The following TNC variants were observed in gnomAD, a reference collection of about 807,000 sequenced individuals.
TNC encodes the protein tenascin.
A neutral mutation model predicts 202.4 loss-of-function variants in TNC; 109 were observed. That is an observed-to-expected ratio of 0.54 (90% CI 0.46 to 0.63). The LOEUF (loss-of-function observed/expected upper bound fraction) is 0.63. Ranked by LOEUF, TNC falls within the 30% of genes least tolerant of loss-of-function variation. The pLI is 0.00. For synonymous variants in TNC, 1,007 were observed against 1,089.7 expected (o/e 0.92, Z 1.50); for missense variants, 2,756 against 2,833.3 (o/e 0.97, Z 0.62).
intron 19 of TNC, 151 bp from the exon 20 acceptor site, chr9:115,038,531 G>T: frequency 9.6e-7 from 1 of 1,043,706 alleles, no homozygotes; most frequent in Non-Finnish European, 1.3e-6. Flanking sequence ...GAGCCAGCCT[G>T]ACCTGGCTTT....
intron 6 of TNC, among the ~76,000 whole-genome samples, chr9:115,078,856 C>A (rs1834083321): frequency 6.6e-6 from 1 of 152,186 alleles, no homozygotes; most frequent in South Asian, 2.1e-4. Context: ...GCACATTATG[C>A]TGTTGGGCAC....
At chr9:115,025,468 C>A (rs1829405095) in intron 26 of TNC, among the ~76,000 whole-genome samples, 1 of 152,152 alleles carries the variant, frequency 6.6e-6, no homozygotes, top group Non-Finnish European at 1.5e-5. Context: ...ACGTGCCAAG[C>A]TTCTATCTCT....
chr9:115,076,341 G>A, intron 8 of TNC, 49 bp downstream of exon 8: 1 of 1,598,512 alleles, frequency 6.3e-7, no homozygotes, highest in Non-Finnish European at 8.5e-7. Context: ...CATCCTTTAA[G>A]GGCCCTCTAG....
intron 9 of TNC, among the ~76,000 whole-genome samples, chr9:115,075,355 G>T (rs1401583593): frequency 1.3e-5 from 2 of 152,094 alleles, no homozygotes; most frequent in African/African-American, 4.8e-5. Flanking sequence ...CTTGACAGGG[G>T]TATAAAAGTT....
At chr9:115,103,801 TG>T (rs1303442152) in intron 1 of TNC, among the ~76,000 whole-genome samples, 1 of 152,188 alleles carries the variant, frequency 6.6e-6, no homozygotes, top group Non-Finnish European at 1.5e-5. Flanking sequence ...TAAGCATTGG[TG>T]GTGCCTCACG....
chr9:115,053,135 G>T (rs1230408997), intron 15 of TNC: 12 of 618,674 alleles, frequency 1.9e-5, no homozygotes, highest in Middle Eastern at 4.2e-4. Context: ...ATACAGAAGA[G>T]ACAGTATGTT....
Position 115,046,439 on chromosome 9 carries a change from G to C in TNC, c.5096C>G (p.Ser1699Cys), listed in dbSNP as rs1588050953. The change falls in exon 17 of 28, where the codon TCC (serine) becomes TGC (cysteine). Residue 1699 changes from serine to cysteine, a missense_variant. Around this residue, in one of 2 missense-constraint regions of TNC, gnomAD observed 2,559 missense variants for 2,546.0 expected, o/e 1.01. Coordinates refer to ENST00000350763, the MANE Select transcript of TNC (RefSeq NM_002160.4). ...ELYGISKGRRSQTVSAIATTA... is the reference protein window; with the variant it reads ...ELYGISKGRRCQTVSAIATTA... The stretch of plus-strand genomic sequence containing the variant: ...TGTTGCTATAGCACTGACTGTCTGG[G>C]ATCGCCTTCCTTTGCTTATTCCATA... The C allele has an allele frequency of 1.2e-6, 2 of 1,614,100 alleles. No individual in the cohort carries two copies. Among genetic ancestry groups the C allele is most frequent in the Non-Finnish European group, 1.7e-6 (2 of 1,179,984 alleles).
rs769251604 is a variant in TNC at position 115,091,069 on chromosome 9, A to G, written c.-51T>C. On this transcript the variant is annotated 5_prime_UTR_variant, in exon 2 of 28. Transcript: ENST00000350763. Reference sequence around the variant, plus strand: ...TGCTGGGGCTCTAGGGCTCTAGGGTATCTCACTTTCAGCAGAATTGGGGAT... The same window carrying G: ...TGCTGGGGCTCTAGGGCTCTAGGGTGTCTCACTTTCAGCAGAATTGGGGAT... The G allele has an allele frequency of 1.4e-6, 2 of 1,477,964 alleles. No homozygotes were observed. The highest frequency in any genetic ancestry group is 1.8e-5 in the Admixed American group (1 of 55,744). 91.6% of individuals were successfully genotyped at this position (1,477,964 alleles called of 1,614,324 possible).
intron 18 of TNC, 51 bp from the exon 19 acceptor site, chr9:115,041,135 A>T (rs150526172): frequency 1.5e-4 from 230 of 1,555,720 alleles, no homozygotes; most frequent in Non-Finnish European, 1.9e-4. Context: ...ACTGACACTT[A>T]TTCACTGTTG....
At chr9:115,111,399 C>CTCTCTTTTTTTTT (rs1174066886) in intron 1 of TNC, among the ~76,000 whole-genome samples, 1 of 71,360 alleles carries the variant, frequency 1.4e-5, no homozygotes, top group African/African-American at 6.0e-5. Flanking sequence ...CTCTCTCTCT[C>CTCTCTTTTTTTTT]TTTTTTTTTT....
chr9:115,048,194 C>T, intron 16 of TNC, 66 bp downstream of exon 16: 1 of 1,563,230 alleles, frequency 6.4e-7, no homozygotes, highest in Admixed American at 1.9e-5. Context: ...TCATGGCGAT[C>T]CGGTAGACAG....
intron 6 of TNC, among the ~76,000 whole-genome samples, chr9:115,079,291 G>T (rs1250017): frequency 0.97 from 148,224 of 152,046 alleles, 72,373 homozygotes; most frequent in East Asian, 1. Flanking sequence ...GACAGGAAGT[G>T]GGCTTTATAC....
rs1021928679 is a variant in TNC, at chr9:115,096,659, C to A, written c.-136-5505G>T. Among the ~76,000 whole-genome samples, 3 of 152,172 alleles carry A rather than the reference C, an allele frequency of 2.0e-5. No homozygotes were observed. The South Asian group carries it at 6.2e-4, about 32-fold the overall frequency. On this transcript the variant is annotated intron_variant, in intron 1 of 27. Transcript: ENST00000350763. Reference sequence around the variant, plus strand: ...AGAAAAAATGGCTTCTTTTTAGCAACTAACTCACTTAACTATAGCAAGCAT... The same window carrying A: ...AGAAAAAATGGCTTCTTTTTAGCAAATAACTCACTTAACTATAGCAAGCAT...
In TNC at chr9:115,086,503, T is replaced by C. The variant is rs1564120877; in HGVS notation, c.1228A>G (p.Asn410Asp). 6.2e-7 allele frequency: 1 copy of C among 1,613,558 alleles called. No homozygotes were observed. ...GADCGELKCP[N>D]GCSGHGRCVN... ...CAGCGGCCATGGCCACTGCAGCCAT[T>C]GGGACACTTGAGCTCCCCACAGTCA... Residue 410 changes from asparagine to aspartate, a missense_variant, in exon 3 of 28, where the codon AAT becomes GAT. Around this residue, in one of 2 missense-constraint regions of TNC, gnomAD observed 2,559 missense variants for 2,546.0 expected, o/e 1.01. Coordinates refer to ENST00000350763, the MANE Select transcript of TNC (RefSeq NM_002160.4).
chr9:115,104,688 C>T (rs1830347559), intron 1 of TNC, among the ~76,000 whole-genome samples: 1 of 152,198 alleles, frequency 6.6e-6, no homozygotes, highest in African/African-American at 2.4e-5. Context: ...ATATCTTCTC[C>T]TCTTCTTTCC....
rs141126037 is a variant in TNC at position 115,090,958 on chromosome 9, C to G, written c.61G>C (p.Glu21Gln). ...VFLAFLALAT[E>Q]GGVLKKVIRH... ...ATGACTTTCTTGAGGACCCCACCTTCGGTAGCGAGGGCAAGGAAAGCAAGA... is the reference window on the plus strand; with the variant it reads ...ATGACTTTCTTGAGGACCCCACCTTGGGTAGCGAGGGCAAGGAAAGCAAGA... The change falls in exon 2 of 28, where the codon GAA (glutamate) becomes CAA (glutamine). Residue 21 changes from glutamate to glutamine, a missense_variant. Glu to Gln is a conservative substitution (Grantham distance 29, BLOSUM62 2). Around this residue, in one of 2 missense-constraint regions of TNC, gnomAD observed 2,559 missense variants for 2,546.0 expected, o/e 1.01. Coordinates refer to ENST00000350763, the MANE Select transcript of TNC (RefSeq NM_002160.4). 1 of 1,614,076 alleles carries G rather than the reference C, an allele frequency of 6.2e-7. No homozygotes were observed. Among genetic ancestry groups the G allele is most frequent in the African/African-American group, 1.3e-5 (1 of 75,034 alleles).
At chr9:115,059,308 G>T (rs559247379) in intron 14 of TNC, among the ~76,000 whole-genome samples, 1 of 152,120 alleles carries the variant, frequency 6.6e-6, no homozygotes, top group Non-Finnish European at 1.5e-5. Flanking sequence ...AGATAGAAAA[G>T]CACCATTTCC....
At position 115,051,648 on chromosome 9, in the gene TNC, G is replaced by A. The variant is rs180812523; in HGVS notation, c.4580-3116C>T. ...GCATCTAGCTGCATCTGTGTTGTCA[G>A]TTTTAAGAATAATTATTTTTTAAAG... On this transcript the variant is annotated intron_variant, in intron 15 of 27. Transcript: ENST00000350763. 5.1e-3 allele frequency among the ~76,000 whole-genome samples: 761 copies of A among 150,230 alleles called. 28 individuals carry two copies. The highest frequency in any genetic ancestry group is 7.5e-4 in the Non-Finnish European group (51 of 67,806).
chr9:115,115,888 G>A (rs969115481), intron 1 of TNC, among the ~76,000 whole-genome samples: 5 of 152,186 alleles, frequency 3.3e-5, no homozygotes, highest in African/African-American at 9.7e-5. Flanking sequence ...TATACTGGGG[G>A]TTTGCCCTAA....
Sources: gnomAD v4.1 joint callset for allele counts (sites outside exome capture counted in the v4.1 genomes callset) on GRCh38, gnomAD v4.1.1 for gene constraint, gnomAD v4.1.1 regional missense constraint, MANE v1.5 for transcripts, NCBI Gene and HGNC (gene_info 2026-07-23, HGNC 2026-07-21) for gene names.